Variants in SDK1 observed in about 807,000 individuals in gnomAD.
The protein encoded by SDK1 is protein sidekick-1.
Under a neutral mutation model 245.5 loss-of-function variants are expected in SDK1, and 157 were observed. The observed-to-expected ratio is 0.64, with a 90% CI of 0.56 to 0.73. SDK1 has a LOEUF of 0.73. Among genes scored for constraint, SDK1 ranks in the 30% least tolerant of loss-of-function variants. The pLI is 0.00. For synonymous variants in SDK1, 1,647 were observed against 1,278.5 expected, an observed-to-expected ratio of 1.29 and a Z score of -6.15; for missense variants, 3,583 against 3,002.3, an observed-to-expected ratio of 1.19 and a Z score of -4.52.
At chr7:3,677,418 C>G (rs985139913) in intron 4 of SDK1, among the ~76,000 whole-genome samples, 16 of 152,210 alleles carry the variant, frequency 1.1e-4, no homozygotes, top group Admixed American at 1.0e-3. Flanking sequence ...GCCTCACAAT[C>G]ATGGCTGAAG....
chr7:3,458,817 C>G (rs1780749013), intron 1 of SDK1, among the ~76,000 whole-genome samples: 1 of 152,102 alleles, frequency 6.6e-6, no homozygotes. Context: ...GATTACGTTT[C>G]ATTGGTCTGT....
intron 5 of SDK1, among the ~76,000 whole-genome samples, chr7:3,917,642 C>G (rs971603781): frequency 5.9e-5 from 9 of 152,030 alleles, no homozygotes; most frequent in African/African-American, 2.2e-4. Context: ...CACTCCTTAC[C>G]CAGGGTTAGA....
rs1779898734 is a variant in SDK1 at position 3,830,955 on chromosome 7, A to G, written c.847+9372A>G. Among the ~76,000 whole-genome samples the G allele has an allele frequency of 2.0e-5, 3 of 152,228 alleles. No homozygotes were observed. The South Asian group carries it at 6.2e-4, about 32-fold the overall frequency. On this transcript the variant is annotated intron_variant, in intron 5 of 44. Transcript: ENST00000404826. ...TATGTAATATATTGAGAGTGACCCA[A>G]GATTATAACTTATGCATTTTCTTTC...
chr7:3,946,057 C>T (rs1318944819), intron 5 of SDK1, among the ~76,000 whole-genome samples: 1 of 151,118 alleles, frequency 6.6e-6, no homozygotes, highest in African/African-American at 2.4e-5. Context: ...AAGAAAAACA[C>T]AGAAAACAGA....
At chr7:3,911,727 C>G (rs1779171193) in intron 5 of SDK1, among the ~76,000 whole-genome samples, 2 of 152,238 alleles carry the variant, frequency 1.3e-5, no homozygotes, top group South Asian at 4.1e-4. Context: ...GTCTCTAGTT[C>G]TGTATTAGGT....
intron 32 of SDK1, among the ~76,000 whole-genome samples, chr7:4,165,180 G>GAAATTCTGTCTCTACTAAAAATACA (rs1781427648): frequency 6.6e-6 from 1 of 152,058 alleles, no homozygotes. Context: ...CCAACATGGT[G>GAAATTCTGTCTCTACTAAAAATACA]AAATTCTGTC....
At chr7:3,845,125 G>C (rs944828093) in intron 5 of SDK1, among the ~76,000 whole-genome samples, 2 of 152,130 alleles carry the variant, frequency 1.3e-5, no homozygotes, top group Non-Finnish European at 2.9e-5. Flanking sequence ...AGGGATGCTG[G>C]GTGGTGAGGC....
chr7:3,467,921 T>C (rs1436166493), intron 1 of SDK1, among the ~76,000 whole-genome samples: 6 of 152,170 alleles, frequency 3.9e-5, no homozygotes, highest in Non-Finnish European at 4.4e-5. Flanking sequence ...TATGTAGTTA[T>C]TAGGTTTTCT....
chr7:4,073,897 A>G (rs1420264747), intron 20 of SDK1, among the ~76,000 whole-genome samples: 2 of 152,204 alleles, frequency 1.3e-5, no homozygotes, highest in Non-Finnish European at 2.9e-5. Context: ...CAGCACGGCC[A>G]CAACAAGCGA....
At chr7:3,740,849 A>G (rs1201102442) in intron 4 of SDK1, among the ~76,000 whole-genome samples, 1 of 152,146 alleles carries the variant, frequency 6.6e-6, no homozygotes, top group Non-Finnish European at 1.5e-5. Context: ...TGATTTTATG[A>G]AGGAGATGAT....
At chr7:3,520,589 G>C (rs1882428) in intron 1 of SDK1, among the ~76,000 whole-genome samples, 39,477 of 151,930 alleles carry the variant, frequency 0.26, 5,294 homozygotes, top group East Asian at 0.33. Flanking sequence ...TTAAAATATA[G>C]TAGAATTCTA....
chr7:4,115,422 C>G (rs528450482), intron 25 of SDK1, among the ~76,000 whole-genome samples: 1 of 152,190 alleles, frequency 6.6e-6, no homozygotes, highest in African/African-American at 2.4e-5. Flanking sequence ...GAACAAGACT[C>G]CCCCACTCCT....
chr7:3,988,279 C>T (rs1010318306), intron 14 of SDK1, among the ~76,000 whole-genome samples: 1 of 151,766 alleles, frequency 6.6e-6, no homozygotes, highest in African/African-American at 2.4e-5. Context: ...CACCTCCACA[C>T]CCCCTGCATC....
intron 1 of SDK1, among the ~76,000 whole-genome samples, chr7:3,439,963 A>G (rs1017630996): frequency 6.6e-6 from 1 of 152,176 alleles, no homozygotes; most frequent in Non-Finnish European, 1.5e-5. Context: ...CTCTATGGAG[A>G]TATAATTGAA....
chr7:3,930,808 A>C (rs574840807), intron 5 of SDK1, among the ~76,000 whole-genome samples: 11 of 152,118 alleles, frequency 7.2e-5, no homozygotes, highest in Non-Finnish European at 1.3e-4. Flanking sequence ...AAAGAAAAGA[A>C]AAGAAAAAAG....
chr7:4,175,192 ATGT>A (rs1285459091), intron 33 of SDK1, among the ~76,000 whole-genome samples: 2 of 152,170 alleles, frequency 1.3e-5, no homozygotes, highest in African/African-American at 4.8e-5. Flanking sequence ...GCCAGGCATG[ATGT>A]TGATGAATGT....
intron 40 of SDK1, among the ~76,000 whole-genome samples, chr7:4,232,254 C>G (rs990232033): frequency 6.6e-6 from 1 of 151,794 alleles, no homozygotes; most frequent in African/African-American, 2.4e-5. Flanking sequence ...TGTCTAAAGC[C>G]ACACAGCTAA....
intron 4 of SDK1, among the ~76,000 whole-genome samples, chr7:3,774,477 T>A (rs748401590): frequency 3.9e-5 from 6 of 152,202 alleles, no homozygotes; most frequent in Non-Finnish European, 8.8e-5. Context: ...CTGCCTGCCA[T>A]GGGACTGGGG....
At chr7:3,406,914 T>C (rs1194316279) in intron 1 of SDK1, among the ~76,000 whole-genome samples, 2 of 151,704 alleles carry the variant, frequency 1.3e-5, no homozygotes, top group Admixed American at 6.6e-5. Context: ...TCTACTTTTT[T>C]ACTCAAACAA....
Sources: gnomAD v4.1 joint callset for allele counts (sites outside exome capture counted in the v4.1 genomes callset) on GRCh38, gnomAD v4.1.1 for gene constraint, MANE v1.5 for transcripts, NCBI Gene and HGNC (gene_info 2026-07-23, HGNC 2026-07-21) for gene names.